Variants in ATP2B1 observed in about 807,000 individuals in gnomAD.
The protein encoded by ATP2B1 is ATPase plasma membrane Ca2+ transporting 1.
Under a neutral mutation model 124.2 loss-of-function variants are expected in ATP2B1, and 14 were observed. The observed-to-expected ratio is 0.11, with a 90% CI of 0.07 to 0.18. ATP2B1 has a LOEUF of 0.18. Ranked by LOEUF, ATP2B1 falls within the 10% of genes least tolerant of loss-of-function variation. The pLI, the probability that ATP2B1 is intolerant of heterozygous loss-of-function variation, is 1.00. For synonymous variants in ATP2B1, 449 were observed against 492.4 expected (o/e 0.91, Z 1.17); for missense variants, 763 against 1,466.1 (o/e 0.52, Z 7.83).
chr12:89,689,245 T>C (rs1890286975), intron 1 of ATP2B1, among the ~76,000 whole-genome samples: 1 of 152,090 alleles, frequency 6.6e-6, no homozygotes, highest in Non-Finnish European at 1.5e-5. Context: ...CAAATAATTT[T>C]TTAATCCCAT....
chr12:89,699,487 G>GT (rs1249328575), intron 1 of ATP2B1, among the ~76,000 whole-genome samples: 4 of 152,152 alleles, frequency 2.6e-5, no homozygotes, highest in Non-Finnish European at 5.9e-5. Flanking sequence ...GAAATAAATG[G>GT]TTGAAAGTTT....
At chr12:89,594,322 G>T (rs1487475002) in intron 20 of ATP2B1, 3 of 151,834 alleles carry the variant, frequency 2.0e-5, no homozygotes, top group African/African-American at 7.3e-5. Flanking sequence ...TAACTGTGAG[G>T]AAAATAATAA....
At chr12:89,657,473 C>T (rs1431681763) in intron 1 of ATP2B1, among the ~76,000 whole-genome samples, 1 of 152,160 alleles carries the variant, frequency 6.6e-6, no homozygotes, top group Non-Finnish European at 1.5e-5. Context: ...TAACGTCTTC[C>T]CACCTCAAGC....
chr12:89,662,369 T>C (rs1386225232), intron 1 of ATP2B1, among the ~76,000 whole-genome samples: 2 of 152,178 alleles, frequency 1.3e-5, no homozygotes, highest in East Asian at 3.8e-4. Flanking sequence ...GCAGATGGTC[T>C]ATTATTATAC....
chr12:89,676,376 C>T (rs190485636), intron 1 of ATP2B1, among the ~76,000 whole-genome samples: 4 of 152,234 alleles, frequency 2.6e-5, no homozygotes, highest in African/African-American at 4.8e-5. Context: ...GATACAACTG[C>T]ATATGCCTTA....
intron 3 of ATP2B1, among the ~76,000 whole-genome samples, chr12:89,639,232 G>A (rs942965589): frequency 3.9e-5 from 6 of 152,146 alleles, no homozygotes; most frequent in Non-Finnish European, 7.4e-5. Context: ...GGCTGGGCAC[G>A]GTGGCTCATG....
chr12:89,606,882 C>T (rs1442778983), intron 15 of ATP2B1, among the ~76,000 whole-genome samples: 1 of 152,102 alleles, frequency 6.6e-6, no homozygotes, highest in East Asian at 1.9e-4. Flanking sequence ...GGCCAATGTC[C>T]CATATATTTA....
At chr12:89,626,929 A>G (rs991548103) in intron 7 of ATP2B1, among the ~76,000 whole-genome samples, 5 of 152,184 alleles carry the variant, frequency 3.3e-5, no homozygotes, top group Non-Finnish European at 7.4e-5. Context: ...AAACAACATA[A>G]TCCCTCCCCT....
At chr12:89,617,954 T>G (rs1196934637) in intron 11 of ATP2B1, among the ~76,000 whole-genome samples, 1 of 152,202 alleles carries the variant, frequency 6.6e-6, no homozygotes, top group Admixed American at 6.6e-5. Flanking sequence ...TATACATTTC[T>G]CCTCTGAACA....
chr12:89,673,322 T>G (rs143055077), intron 1 of ATP2B1, among the ~76,000 whole-genome samples: 1 of 152,306 alleles, frequency 6.6e-6, no homozygotes, highest in Non-Finnish European at 1.5e-5. Context: ...CCTATTAATA[T>G]CACTTCAAAC....
intron 1 of ATP2B1, among the ~76,000 whole-genome samples, chr12:89,684,307 A>G (rs968432644): frequency 2.0e-5 from 3 of 152,206 alleles, no homozygotes; most frequent in Non-Finnish European, 4.4e-5. Flanking sequence ...TCAAAATGTA[A>G]AATTGAAACA....
intron 2 of ATP2B1, among the ~76,000 whole-genome samples, chr12:89,653,320 C>T (rs112759671): frequency 0.15 from 18,589 of 126,280 alleles, 1,683 homozygotes; most frequent in Middle Eastern, 0.26. Flanking sequence ...GACGGAGTCT[C>T]GCTCTGTCGC....
At chr12:89,696,511 A>G (rs112929670) in intron 1 of ATP2B1, among the ~76,000 whole-genome samples, 1 of 9,538 alleles carries the variant, frequency 1.0e-4, no homozygotes, top group African/African-American at 2.5e-4. Context: ...AAATAATACA[A>G]AGTTTCTAAA....
intron 19 of ATP2B1, among the ~76,000 whole-genome samples, chr12:89,600,814 A>C (rs1199279766): frequency 6.6e-6 from 1 of 152,032 alleles, no homozygotes; most frequent in Non-Finnish European, 1.5e-5. Context: ...ATGCCCAGCT[A>C]ATTTTTATAC....
At chr12:89,687,425 A>C (rs1462277493) in intron 1 of ATP2B1, among the ~76,000 whole-genome samples, 1 of 152,066 alleles carries the variant, frequency 6.6e-6, no homozygotes, top group African/African-American at 2.4e-5. Context: ...ACAATAACGA[A>C]ATTGCAACGC....
intron 1 of ATP2B1, among the ~76,000 whole-genome samples, chr12:89,667,332 G>C (rs1377815390): frequency 6.6e-6 from 1 of 152,044 alleles, no homozygotes; most frequent in African/African-American, 2.4e-5. Context: ...TATTCTCACA[G>C]GTCTCTAACC....
In ATP2B1 at chr12:89,697,499, T is replaced by C. The variant is rs562560780; in HGVS notation, c.-222+11097A>G. 5.9e-5 allele frequency among the ~76,000 whole-genome samples: 9 copies of C among 152,238 alleles called. No homozygotes were observed. In the South Asian group the frequency reaches 1.2e-3, roughly 21 times the overall value. On this transcript the variant is annotated intron_variant, in intron 1 of 20. Transcript: ENST00000428670. Reference sequence around the variant, plus strand: ...ATGGATTATTTTACCCAAAGTAAAATTGAGTTGTGTATCTAAATTGCACAA... The same window carrying C: ...ATGGATTATTTTACCCAAAGTAAAACTGAGTTGTGTATCTAAATTGCACAA...
intron 20 of ATP2B1, 78 bp downstream of exon 20, chr12:89,599,039 G>A (rs534457946): frequency 6.7e-7 from 1 of 1,490,276 alleles, no homozygotes; most frequent in East Asian, 2.3e-5. Context: ...GAAGTTTAAG[G>A]AGCACACTCG....
chr12:89,640,646 T>C (rs571293584), intron 3 of ATP2B1, among the ~76,000 whole-genome samples: 6 of 152,188 alleles, frequency 3.9e-5, no homozygotes, highest in Admixed American at 6.5e-5. Context: ...CCAAATCTCA[T>C]GCTGAAATAT....
Sources: gnomAD v4.1 joint callset for allele counts (sites outside exome capture counted in the v4.1 genomes callset) on GRCh38, gnomAD v4.1.1 for gene constraint, MANE v1.5 for transcripts, NCBI Gene and HGNC (gene_info 2026-07-23, HGNC 2026-07-21) for gene names.